The following DDA1 variants were observed in gnomAD, a reference collection of about 807,000 sequenced individuals.
DDA1 encodes the protein DET1 and DDB1 associated 1.
Under a neutral mutation model 18.6 loss-of-function variants are expected in DDA1, and 3 were observed. That is an observed-to-expected ratio of 0.16 (90% CI 0.07 to 0.42). DDA1 has a LOEUF of 0.42. DDA1 is among the 10% of genes least tolerant of loss of function. DDA1 has a pLI of 0.99. For missense variants in DDA1, 105 were observed against 138.2 expected (o/e 0.76, Z 1.20); for synonymous variants, 52 against 54.0 (o/e 0.96, Z 0.17).
At chr19:17,319,383 T>C (rs1307594946) in intron 4 of DDA1, among the ~76,000 whole-genome samples, 163 bp from the exon 5 acceptor site, 1 of 152,156 alleles carries the variant, frequency 6.6e-6, no homozygotes, top group Non-Finnish European at 1.5e-5. Context: ...GGCAACATAG[T>C]GAAACCCCCA....
intron 1 of DDA1, 85 bp downstream of exon 1, chr19:17,309,742 C>T: frequency 2.0e-6 from 3 of 1,531,260 alleles, no homozygotes; most frequent in Non-Finnish European, 8.8e-7. Context: ...TCCCCCTAGG[C>T]CCCTCTCCGT....
At position 17,315,221 on chromosome 19, in the gene DDA1, ACGT is replaced by A. The variant is rs2074201546; in HGVS notation, c.137-712_137-710del. Among the ~76,000 whole-genome samples the A allele has an allele frequency of 2.3e-4, 5 of 21,430 alleles. 1 individual carries two copies. The highest frequency in any genetic ancestry group is 5.8e-4 in the Non-Finnish European group (4 of 6,896). The allele number at this position is 21,430 out of a possible 152,430, so 14.1% of individuals were successfully genotyped here. A position where few individuals can be genotyped will look rare whatever the true frequency, so the allele number is the denominator to read the frequency against. Reference sequence around the variant, plus strand: ...TGTATACACACGTGTATATACACACACGTGTATACACACACACGTGTATATACA... The same window carrying A: ...TGTATACACACGTGTATATACACACAGTATACACACACACGTGTATATACA... On this transcript the variant is annotated intron_variant, in intron 3 of 4. Coordinates refer to ENST00000359866, the MANE Select transcript of DDA1 (RefSeq NM_024050.6).
At chr19:17,315,196 TGTATACACACGTGTATATAC>T (rs2074200197) in intron 3 of DDA1, among the ~76,000 whole-genome samples, 6 of 20,976 alleles carry the variant, frequency 2.9e-4, no homozygotes, top group Non-Finnish European at 5.9e-4. Flanking sequence ...TACACACACG[TGTATACACACGTGTATATAC>T]ACACACGTGT....
intron 4 of DDA1, among the ~76,000 whole-genome samples, chr19:17,318,910 T>C (rs1042338318): frequency 5.5e-4 from 83 of 151,994 alleles, no homozygotes; most frequent in African/African-American, 1.9e-3. Flanking sequence ...GTCGGGGGAC[T>C]GTGTGGCAAA....
chr19:17,317,547 T>C (rs934405693), intron 4 of DDA1, among the ~76,000 whole-genome samples: 2 of 149,140 alleles, frequency 1.3e-5, no homozygotes, highest in Admixed American at 6.7e-5. Flanking sequence ...CTAGGTAACA[T>C]GTGAGGGTGT....
intron 1 of DDA1, among the ~76,000 whole-genome samples, chr19:17,311,802 G>A (rs1014875904): frequency 6.6e-6 from 1 of 152,140 alleles, no homozygotes; most frequent in African/African-American, 2.4e-5. Context: ...TCTCTGGCAG[G>A]CTACCTGCAG....
In DDA1 at chr19:17,314,225, C is replaced by T. The variant is rs910236983; in HGVS notation, c.85-113C>T. 7.7e-6 allele frequency: 12 copies of T among 1,555,626 alleles called. No individual in the cohort carries two copies. Among genetic ancestry groups the T allele is most frequent in the African/African-American group, 1.4e-5 (1 of 73,682 alleles). On this transcript the variant is annotated intron_variant, in intron 2 of 4. Coordinates refer to ENST00000359866, the MANE Select transcript of DDA1 (RefSeq NM_024050.6). The surrounding 1 kb of genome is among the most constrained non-coding windows in gnomAD (Gnocchi z 4.6). ...GCTGATCTTCAAGCCCAGCCCCATC[C>T]ACATACTTGAGTGTCTTCCAATCTG...
At chr19:17,313,070 G>C (rs1368739532) in intron 1 of DDA1, among the ~76,000 whole-genome samples, 1 of 152,194 alleles carries the variant, frequency 6.6e-6, no homozygotes, top group African/African-American at 2.4e-5. Flanking sequence ...GCTTCTCCCA[G>C]GGCAGCTCTC....
chr19:17,319,983 G>C lies in DDA1; in HGVS notation c.*327G>C. On this transcript the variant is annotated 3_prime_UTR_variant, in exon 5 of 5. Coordinates refer to ENST00000359866, the MANE Select transcript of DDA1 (RefSeq NM_024050.6). ...CCCGATTCCTGCCCCCAGTTCTCCA[G>C]AGAACCAGAGTGTGTCTGTGAGAGT... 1 of 274,056 alleles carries C rather than the reference G, an allele frequency of 3.6e-6. No homozygotes were observed. The highest frequency in any genetic ancestry group is 3.9e-5 in the South Asian group (1 of 25,356). The allele number at this position is 274,056 out of a possible 1,614,324, so 17.0% of individuals were successfully genotyped here.
intron 1 of DDA1, among the ~76,000 whole-genome samples, chr19:17,310,416 A>G (rs2074173795): frequency 6.6e-6 from 1 of 152,236 alleles, no homozygotes; most frequent in Non-Finnish European, 1.5e-5. Context: ...AAATTCCTTC[A>G]GGGTTCCTCA....
chr19:17,312,745 G>A (rs112565027), intron 1 of DDA1, among the ~76,000 whole-genome samples: 260 of 152,312 alleles, frequency 1.7e-3, no homozygotes, highest in African/African-American at 6.2e-3. Context: ...TGGTGGCTCA[G>A]TCCAGTGCCC....
intron 4 of DDA1, 122 bp from the exon 5 acceptor site, chr19:17,319,424 G>C: frequency 2.8e-6 from 2 of 713,470 alleles, no homozygotes; most frequent in Non-Finnish European, 4.8e-6. Context: ...ATTAAGCGTG[G>C]TGGTATGTGC....
chr19:17,312,005 T>C (rs1214917982), intron 1 of DDA1, among the ~76,000 whole-genome samples: 1 of 152,196 alleles, frequency 6.6e-6, no homozygotes, highest in Admixed American at 6.5e-5. Context: ...GCAGACATGT[T>C]GATCCTAAAG....
At chr19:17,315,153 A>G (rs56386464) in intron 3 of DDA1, among the ~76,000 whole-genome samples, 1,042 of 61,634 alleles carry the variant, frequency 0.017, 258 homozygotes, top group African/African-American at 0.081. Context: ...ACACACACGT[A>G]TATATACACA....
At chr19:17,317,267 T>G (rs1308190427) in intron 4 of DDA1, among the ~76,000 whole-genome samples, 1 of 151,874 alleles carries the variant, frequency 6.6e-6, no homozygotes, top group African/African-American at 2.4e-5. Context: ...CTCAGGACTT[T>G]GGGAGGCCGA....
Position 17,309,595 on chromosome 19 carries a change from C to T in DDA1, c.-60C>T. ...TGTGAGGCGGCGGCTAAGAAGGCGG[C>T]TCTGGTGGCGGCGGTGGAGGCTGAG... On this transcript the variant is annotated 5_prime_UTR_variant, in exon 1 of 5. Transcript: ENST00000359866. 6.3e-7 allele frequency: 1 copy of T among 1,580,264 alleles called. No individual in the cohort carries two copies. Among genetic ancestry groups the T allele is most frequent in the Admixed American group, 1.7e-5 (1 of 59,576 alleles).
In DDA1 at chr19:17,314,218, C is replaced by T. The variant is rs903201402; in HGVS notation, c.84+115C>T. ...AACAGAGGCTGATCTTCAAGCCCAG[C>T]CCCATCCACATACTTGAGTGTCTTC... On this transcript the variant is annotated intron_variant, in intron 2 of 4. Transcript: ENST00000359866. The surrounding 1 kb of genome is among the most constrained non-coding windows in gnomAD (Gnocchi z 4.6). The T allele has an allele frequency of 7.7e-6, 12 of 1,550,680 alleles. No individual in the cohort carries two copies. The highest frequency in any genetic ancestry group is 9.8e-6 in the Non-Finnish European group (11 of 1,125,154).
chr19:17,315,090 CGTATATAT>C (rs1268953221), intron 3 of DDA1, among the ~76,000 whole-genome samples: 4 of 140,900 alleles, frequency 2.8e-5, no homozygotes, highest in African/African-American at 1.1e-4. Context: ...CATATATATA[CGTATATAT>C]ACACACATAT....
intron 3 of DDA1, 53 bp from the exon 4 acceptor site, chr19:17,315,881 G>C: frequency 1.3e-6 from 2 of 1,560,712 alleles, no homozygotes; most frequent in Non-Finnish European, 1.8e-6. Flanking sequence ...AGTGTCAGGG[G>C]AGGAGCCTGG....
Sources: gnomAD v4.1 joint callset for allele counts (sites outside exome capture counted in the v4.1 genomes callset) on GRCh38, gnomAD v4.1.1 for gene constraint, Gnocchi (gnomAD v3.1) non-coding constraint, MANE v1.5 for transcripts, NCBI Gene and HGNC (gene_info 2026-07-23, HGNC 2026-07-21) for gene names.